ASCC3: variants seen among roughly 807,000 people sequenced by gnomAD.
ASCC3 encodes ASC-1 complex subunit P200.
A neutral mutation model predicts 256.3 loss-of-function variants in ASCC3; 158 were observed. That is an observed-to-expected ratio of 0.62 (90% confidence interval 0.54 to 0.70). The LOEUF (loss-of-function observed/expected upper bound fraction) is 0.70, where lower values mean the gene tolerates loss of function less well. ASCC3 is among the 30% of genes least tolerant of loss of function. The pLI is 0.00. For missense variants in ASCC3, 2,259 were observed against 2,626.0 expected (o/e 0.86, Z 3.05); for synonymous variants, 948 against 883.4 (o/e 1.07, Z -1.30).
intron 14 of ASCC3, among the ~76,000 whole-genome samples, chr6:100,666,752 T>C (rs1240524820): frequency 1.3e-5 from 2 of 152,124 alleles, no homozygotes; most frequent in African/African-American, 4.8e-5. Flanking sequence ...ATGAGACTAT[T>C]TAGTGCTAAG....
At chr6:100,642,047 T>A (rs374090576) in intron 24 of ASCC3, among the ~76,000 whole-genome samples, 20 of 150,880 alleles carry the variant, frequency 1.3e-4, no homozygotes, top group South Asian at 1.3e-3. Flanking sequence ...TAGCATTAGG[T>A]GATATACCTA....
chr6:100,762,004 T>A (rs888094391), intron 10 of ASCC3, among the ~76,000 whole-genome samples: 2 of 152,070 alleles, frequency 1.3e-5, no homozygotes, highest in Non-Finnish European at 2.9e-5. Context: ...CAGTGTGACA[T>A]CGAACACTGC....
chr6:100,522,662 G>A lies in ASCC3; in HGVS notation c.5776-4520C>T, dbSNP rs966587305. On this transcript the variant is annotated intron_variant, in intron 37 of 41. Transcript: ENST00000369162. ...AAAGGGAAGGGGAGGGCAGCTAAGG[G>A]AGTCTCACAGGCACTGCTGAAATAG... 7.2e-5 allele frequency among the ~76,000 whole-genome samples: 11 copies of A among 152,134 alleles called. No homozygotes were observed. The South Asian group carries it at 1.0e-3, about 14-fold the overall frequency.
Position 100,715,490 on chromosome 6 carries a change from A to G in ASCC3, c.2123T>C (p.Val708Ala). Residue 708 changes from valine to alanine, a missense_variant, in exon 13 of 42, where the codon GTT becomes GCT. By Grantham distance (64) the Val-to-Ala change is moderately conservative. Around this residue, in one of 2 missense-constraint regions of ASCC3, gnomAD observed 1,839 missense variants for 2,206.7 expected, o/e 0.83. Transcript: ENST00000369162. ...GTGTCCAGCCTTTACTTGCTTCAAA[A>G]CATTTTCATAACATACTTCATCCAT... Reference protein sequence around the residue: ...NNMDEVCYENVLKQVKAGHQV... With the variant: ...NNMDEVCYENALKQVKAGHQV... The G allele has an allele frequency of 1.2e-6, 2 of 1,611,558 alleles. No homozygotes were observed. The highest frequency in any genetic ancestry group is 1.7e-6 in the Non-Finnish European group (2 of 1,178,362).
chr6:100,872,785 G>C (rs1294984091), intron 1 of ASCC3, among the ~76,000 whole-genome samples: 1 of 152,100 alleles, frequency 6.6e-6, no homozygotes, highest in Non-Finnish European at 1.5e-5. Context: ...CCAGAAGAGA[G>C]ACAACAATCA....
At chr6:100,879,568 C>T (rs1357319101) in intron 1 of ASCC3, among the ~76,000 whole-genome samples, 2 of 152,144 alleles carry the variant, frequency 1.3e-5, no homozygotes, top group Non-Finnish European at 2.9e-5. Flanking sequence ...AGGAGGACTG[C>T]TTGAGCCTAG....
At chr6:100,773,686 T>G (rs2115149674) in intron 8 of ASCC3, among the ~76,000 whole-genome samples, 1 of 152,260 alleles carries the variant, frequency 6.6e-6, no homozygotes, top group Admixed American at 6.5e-5. Flanking sequence ...AAGGATTCTG[T>G]TTTTTATTAC....
intron 36 of ASCC3, among the ~76,000 whole-genome samples, chr6:100,559,550 G>A (rs376774831): frequency 3.8e-4 from 58 of 152,164 alleles, no homozygotes; most frequent in Middle Eastern, 3.4e-3. Context: ...GTCATTGGAC[G>A]TATAAATTCT....
At chr6:100,551,377 A>T (rs1472659448) in intron 36 of ASCC3, among the ~76,000 whole-genome samples, 1 of 151,932 alleles carries the variant, frequency 6.6e-6, no homozygotes, top group Non-Finnish European at 1.5e-5. Flanking sequence ...ATATAATAAT[A>T]GTGGGCATGT....
In ASCC3 at chr6:100,692,644, T is replaced by C. The variant is rs147047270; in HGVS notation, c.2152-12892A>G. On this transcript the variant is annotated intron_variant, in intron 13 of 41. Coordinates refer to ENST00000369162, the MANE Select transcript of ASCC3 (RefSeq NM_006828.4). ...GGAATTTATAAACATATTCTCTGAA[T>C]TGTTTTCTCTCTTTAGGGCATTAAG... Among the ~76,000 whole-genome samples the C allele has an allele frequency of 2.7e-3, 410 of 152,208 alleles. 1 individual carries two copies. Among genetic ancestry groups the C allele is most frequent in the African/African-American group, 8.9e-3 (371 of 41,584 alleles).
At chr6:100,618,688 C>A (rs982938930) in intron 30 of ASCC3, among the ~76,000 whole-genome samples, 3 of 152,162 alleles carry the variant, frequency 2.0e-5, no homozygotes, top group Admixed American at 2.0e-4. Flanking sequence ...AAGTATCTTA[C>A]CCCTGAAACC....
chr6:100,845,944 T>C (rs1772361266), intron 4 of ASCC3, among the ~76,000 whole-genome samples: 1 of 152,168 alleles, frequency 6.6e-6, no homozygotes, highest in Admixed American at 6.5e-5. Context: ...AGATTATATG[T>C]AAAAATATTC....
chr6:100,679,580 T>C (rs771967149), intron 14 of ASCC3, 38 bp downstream of exon 14: 20 of 1,612,364 alleles, frequency 1.2e-5, no homozygotes, highest in East Asian at 2.2e-5. Context: ...ATATGTGGCA[T>C]GTTACATGCT....
chr6:100,752,776 A>G (rs551964161), intron 10 of ASCC3, among the ~76,000 whole-genome samples: 5 of 152,312 alleles, frequency 3.3e-5, no homozygotes, highest in South Asian at 4.1e-4. Flanking sequence ...AATACTGTAC[A>G]TAAGAAGTCT....
At chr6:100,775,427 A>T (rs1346343306) in intron 8 of ASCC3, among the ~76,000 whole-genome samples, 2 of 152,102 alleles carry the variant, frequency 1.3e-5, no homozygotes, top group East Asian at 3.9e-4. Flanking sequence ...GAGGTTAAAT[A>T]ACTTACCCAA....
At chr6:100,784,068 C>G (rs1032590356) in intron 8 of ASCC3, among the ~76,000 whole-genome samples, 1 of 151,996 alleles carries the variant, frequency 6.6e-6, no homozygotes, top group Non-Finnish European at 1.5e-5. Flanking sequence ...AATTAAAAGT[C>G]CAAGTTAAAG....
chr6:100,689,242 C>T (rs1472872581), intron 13 of ASCC3, among the ~76,000 whole-genome samples: 1 of 152,144 alleles, frequency 6.6e-6, no homozygotes, highest in Non-Finnish European at 1.5e-5. Flanking sequence ...TAAGACTAAT[C>T]ATAAAAGACA....
chr6:100,614,139 T>A (rs1773543381), intron 30 of ASCC3, among the ~76,000 whole-genome samples: 1 of 152,186 alleles, frequency 6.6e-6, no homozygotes, highest in African/African-American at 2.4e-5. Context: ...ATAACTTTTA[T>A]CTTTATTTCC....
intron 10 of ASCC3, among the ~76,000 whole-genome samples, chr6:100,764,883 G>GA (rs1781577254): frequency 6.6e-6 from 1 of 151,886 alleles, no homozygotes; most frequent in Admixed American, 6.6e-5. Flanking sequence ...GACCTTATTT[G>GA]AAAAAAGGAT....
Sources: allele counts gnomAD v4.1 joint callset (sites outside exome capture counted in the v4.1 genomes callset), GRCh38; gene constraint gnomAD v4.1.1; regional missense constraint gnomAD v4.1.1; transcripts MANE v1.5; gene names NCBI Gene and HGNC (gene_info 2026-07-23, HGNC 2026-07-21).